Variants in PTPRG observed in about 807,000 individuals in gnomAD.
PTPRG encodes protein tyrosine phosphatase receptor type G, also known as receptor-type tyrosine-protein phosphatase gamma.
PTPRG carries 102 observed loss-of-function variants against 165.3 expected under a neutral mutation model. The ratio of observed to expected loss-of-function variants is 0.62; its 90% CI spans 0.53 to 0.73. The LOEUF is 0.73. Among genes scored for constraint, PTPRG ranks in the 30% least tolerant of loss-of-function variants. The probability of loss-of-function intolerance (pLI) is 0.00; values close to 1 mark genes in which losing one functional copy is unlikely to be tolerated. For synonymous variants in PTPRG, 675 were observed against 669.5 expected (o/e 1.01, Z -0.13); for missense variants, 1,866 against 1,861.4 (o/e 1.00, Z -0.05).
intron 17 of PTPRG, chr3:62,263,855 A>T (rs1701773788): frequency 6.6e-6 from 1 of 152,180 alleles, no homozygotes; most frequent in Non-Finnish European, 1.5e-5. Flanking sequence ...TCTACAAAAA[A>T]TACTAAACTT....
chr3:62,121,679 T>C (rs954961729), intron 5 of PTPRG, among the ~76,000 whole-genome samples: 2 of 152,190 alleles, frequency 1.3e-5, no homozygotes, highest in African/African-American at 4.8e-5. Flanking sequence ...CCTGGCTAAA[T>C]GTTACCTACA....
At chr3:62,099,803 T>G (rs1309306343) in intron 5 of PTPRG, among the ~76,000 whole-genome samples, 2 of 143,542 alleles carry the variant, frequency 1.4e-5, no homozygotes, top group East Asian at 2.0e-4. Flanking sequence ...CTTTTTTTTT[T>G]TTTTTTTTTT....
At chr3:61,839,659 T>A (rs946090672) in intron 2 of PTPRG, among the ~76,000 whole-genome samples, 1 of 152,232 alleles carries the variant, frequency 6.6e-6, no homozygotes, top group Non-Finnish European at 1.5e-5. Context: ...TAATGAAGTC[T>A]ATTTTAAGGT....
At chr3:62,242,444 T>G (rs1701180672) in intron 14 of PTPRG, among the ~76,000 whole-genome samples, 1 of 152,206 alleles carries the variant, frequency 6.6e-6, no homozygotes. Context: ...CAGTCTAGAT[T>G]GATTCTAGAG....
intron 1 of PTPRG, chr3:61,743,028 C>G: frequency 1.3e-6 from 2 of 1,590,156 alleles, no homozygotes; most frequent in South Asian, 2.2e-5. Flanking sequence ...TCTCCAGGAA[C>G]TTGCGGCGCT....
chr3:61,721,593 G>A (rs1460300980), intron 1 of PTPRG, among the ~76,000 whole-genome samples: 1 of 152,106 alleles, frequency 6.6e-6, no homozygotes, highest in African/African-American at 2.4e-5. Context: ...TATATTTTTG[G>A]ATTAGCTTTG....
At chr3:62,112,214 C>G (rs1702694205) in intron 5 of PTPRG, among the ~76,000 whole-genome samples, 1 of 152,094 alleles carries the variant, frequency 6.6e-6, no homozygotes, top group African/African-American at 2.4e-5. Context: ...AAGTGATTCT[C>G]CTGCCTCAGC....
intron 2 of PTPRG, among the ~76,000 whole-genome samples, chr3:61,873,560 GAA>G (rs1029260093): frequency 6.6e-6 from 1 of 152,116 alleles, no homozygotes; most frequent in Non-Finnish European, 1.5e-5. Flanking sequence ...TGTCGGAAAA[GAA>G]AAATACTATA....
At chr3:62,020,883 C>G (rs532960531) in intron 4 of PTPRG, among the ~76,000 whole-genome samples, 1 of 151,350 alleles carries the variant, frequency 6.6e-6, no homozygotes. Context: ...CTATATTGCC[C>G]AGGTTGATCT....
intron 1 of PTPRG, among the ~76,000 whole-genome samples, chr3:61,683,639 G>T (rs1703524087): frequency 6.6e-6 from 1 of 152,150 alleles, no homozygotes; most frequent in Admixed American, 6.6e-5. Flanking sequence ...TCCTTTTCAT[G>T]GGACATAGTG....
intron 1 of PTPRG, among the ~76,000 whole-genome samples, chr3:61,577,348 T>C (rs1305284249): frequency 6.6e-6 from 1 of 152,204 alleles, no homozygotes; most frequent in Non-Finnish European, 1.5e-5. Flanking sequence ...CCTTTTGATG[T>C]TGAGCCTTTG....
At chr3:62,201,577 C>CT in intron 11 of PTPRG, 23 bp downstream of exon 11, 3 of 1,606,228 alleles carry the variant, frequency 1.9e-6, no homozygotes, top group Non-Finnish European at 2.6e-6. Flanking sequence ...TGGGAAATTG[C>CT]TTTGTCGTGG....
intron 3 of PTPRG, among the ~76,000 whole-genome samples, chr3:61,997,431 C>T (rs972336721): frequency 2.0e-5 from 3 of 152,172 alleles, no homozygotes; most frequent in African/African-American, 7.2e-5. Context: ...GTGTCCCATC[C>T]TGCTCTCTGG....
At chr3:62,101,651 C>G (rs1175835910) in intron 5 of PTPRG, among the ~76,000 whole-genome samples, 1 of 152,188 alleles carries the variant, frequency 6.6e-6, no homozygotes, top group Admixed American at 6.5e-5. Context: ...CATCGTTATC[C>G]TCATGTAGAA....
chr3:61,654,141 C>T (rs569778475), intron 1 of PTPRG, among the ~76,000 whole-genome samples: 34 of 152,138 alleles, frequency 2.2e-4, no homozygotes, highest in Admixed American at 2.0e-3. Flanking sequence ...AGAAATGAAT[C>T]GTGTGTGAAT....
intron 7 of PTPRG, 66 bp downstream of exon 7, chr3:62,157,290 A>G: frequency 6.6e-7 from 1 of 1,525,292 alleles, no homozygotes; most frequent in Non-Finnish European, 9.0e-7. Context: ...ACGATCCAGC[A>G]TGGCTAGAGT....
At chr3:62,061,514 C>T (rs1164833565) in intron 4 of PTPRG, among the ~76,000 whole-genome samples, 2 of 152,112 alleles carry the variant, frequency 1.3e-5, no homozygotes, top group Non-Finnish European at 2.9e-5. Flanking sequence ...ACTAACTTCC[C>T]TGCTGAGATT....
rs1277806992 is a variant in PTPRG, at chr3:62,295,710, T to C, written c.*2403T>C. ...CCAAAGTCTTCATATCCTGACCCACTGAATTATAAGCAATTGCTACTTGCC... is the reference window on the plus strand; with the variant it reads ...CCAAAGTCTTCATATCCTGACCCACCGAATTATAAGCAATTGCTACTTGCC... On this transcript the variant is annotated 3_prime_UTR_variant, in exon 30 of 30. Transcript: ENST00000474889. The C allele has an allele frequency of 6.6e-6, 1 of 152,128 alleles. No individual in the cohort carries two copies. The highest frequency in any genetic ancestry group is 2.4e-5 in the African/African-American group (1 of 41,440). 9.4% of individuals were successfully genotyped at this position (152,128 alleles called of 1,614,324 possible). A position where few individuals can be genotyped will look rare whatever the true frequency, so the allele number is the denominator to read the frequency against.
At chr3:61,742,585 G>A in intron 1 of PTPRG, 2 of 1,594,612 alleles carry the variant, frequency 1.3e-6, no homozygotes, top group East Asian at 4.5e-5. Context: ...CTCATCGGCT[G>A]TCATCTTCAC....
Sources: allele counts gnomAD v4.1 joint callset (sites outside exome capture counted in the v4.1 genomes callset), GRCh38; gene constraint gnomAD v4.1.1; transcripts MANE v1.5; gene names NCBI Gene and HGNC (gene_info 2026-07-23, HGNC 2026-07-21).